The following DCLK1 variants were observed in gnomAD, a reference collection of about 807,000 sequenced individuals.
DCLK1 encodes doublecortin like kinase 1.
Under a neutral mutation model 86.2 loss-of-function variants are expected in DCLK1, and 16 were observed. The ratio of observed to expected loss-of-function variants is 0.19; its 90% CI spans 0.13 to 0.28. The LOEUF (loss-of-function observed/expected upper bound fraction) is 0.28. Among genes scored for constraint, DCLK1 ranks in the 10% least tolerant of loss-of-function variants. The pLI, the probability that DCLK1 is intolerant of heterozygous loss-of-function variation, is 1.00. For synonymous variants in DCLK1, 369 were observed against 370.5 expected, an observed-to-expected ratio of 1.00 and a Z score of 0.05; for missense variants, 590 against 940.2, an observed-to-expected ratio of 0.63 and a Z score of 4.87.
Position 35,808,311 on chromosome 13 carries a change from A to C in DCLK1, c.1776T>G (p.Asp592Glu), listed in dbSNP as rs762798402. ...CGFPPFRGSGDDQEVLFDQIL... is the reference protein window; with the variant it reads ...CGFPPFRGSGEDQEVLFDQIL... ...TCTGATCAAAAAGCACCTCCTGGTC[A>C]TCACCACTTCTGTTTAGGTGAACGA... The change falls in exon 14 of 17, where the codon GAT becomes GAG. Residue 592 changes from aspartate (D) to glutamate (E), a missense_variant. By Grantham distance (45) the Asp-to-Glu change is conservative. Transcript: ENST00000360631. 6.2e-7 allele frequency: 1 copy of C among 1,614,110 alleles called. No homozygotes were observed.
In DCLK1 at chr13:35,827,763, A is replaced by G. The variant is rs761938430; in HGVS notation, c.1288-9T>C. The stretch of plus-strand genomic sequence containing the variant: ...TTCTGGATCATGTGCTCCTGTCCAA[A>G]GGAAAAGTTATCTTCATCAGCTTCC... On this transcript the variant is annotated splice_polypyrimidine_tract_variant and intron_variant, in intron 9 of 16. Coordinates refer to ENST00000360631, the MANE Select transcript of DCLK1 (RefSeq NM_001330071.2). 3.7e-6 allele frequency: 6 copies of G among 1,613,114 alleles called. No individual in the cohort carries two copies. The Admixed American group carries it at 6.7e-5, about 18-fold the overall frequency.
At chr13:35,813,442 T>C (rs2087193950) in intron 11 of DCLK1, among the ~76,000 whole-genome samples, 1 of 152,192 alleles carries the variant, frequency 6.6e-6, no homozygotes, top group Admixed American at 6.6e-5. Flanking sequence ...GGAAAAGTTT[T>C]CTTTTCGAAC....
At chr13:35,867,953 G>GAAAGAAA (rs1555345751) in intron 5 of DCLK1, among the ~76,000 whole-genome samples, 5 of 145,584 alleles carry the variant, frequency 3.4e-5, no homozygotes, top group African/African-American at 1.3e-4. Context: ...AAGAAAGAAA[G>GAAAGAAA]AAAGAAAGAA....
At chr13:35,948,016 G>A (rs1387760853) in intron 3 of DCLK1, among the ~76,000 whole-genome samples, 1 of 152,172 alleles carries the variant, frequency 6.6e-6, no homozygotes, top group East Asian at 1.9e-4. Context: ...TATGGTAAGT[G>A]TATGCCCACC....
At chr13:35,831,891 A>G (rs1358174882) in intron 8 of DCLK1, among the ~76,000 whole-genome samples, 1 of 152,192 alleles carries the variant, frequency 6.6e-6, no homozygotes, top group Admixed American at 6.5e-5. Context: ...TGTTTGTGCT[A>G]AAAATGGTTT....
In DCLK1 at chr13:35,827,655, G is replaced by A; in HGVS notation, c.1387C>T (p.Leu463Phe). 1 of 1,613,936 alleles carries A rather than the reference G, an allele frequency of 6.2e-7. No homozygotes were observed. Among genetic ancestry groups the A allele is most frequent in the Non-Finnish European group, 8.5e-7 (1 of 1,179,976 alleles). ...CACACCTTTACTAATTCCATGACAA[G>A]ATACAGTTCAGTTGGCACATCCATC... ...EEMDVPTELYLVMELVKGGDL... is the reference protein window; with the variant it reads ...EEMDVPTELYFVMELVKGGDL... Residue 463 changes from leucine to phenylalanine, a missense_variant, in exon 10 of 17, where the codon CTT becomes TTT. Leu to Phe is a conservative substitution (Grantham distance 22). Around this residue, in one of 6 missense-constraint regions of DCLK1, gnomAD observed 108 missense variants for 195.7 expected, o/e 0.55. Coordinates refer to ENST00000360631, the MANE Select transcript of DCLK1 (RefSeq NM_001330071.2).
intron 16 of DCLK1, among the ~76,000 whole-genome samples, chr13:35,783,979 C>A (rs545516352): frequency 1.3e-5 from 2 of 152,304 alleles, no homozygotes; most frequent in South Asian, 4.1e-4. Context: ...CCTTTCTTAG[C>A]AAAAGGTGTG....
At chr13:35,932,727 G>A (rs900334625) in intron 4 of DCLK1, among the ~76,000 whole-genome samples, 12 of 152,178 alleles carry the variant, frequency 7.9e-5, no homozygotes, top group African/African-American at 2.9e-4. Flanking sequence ...CAACCAGCAG[G>A]TCCCTCCCAC....
chr13:35,787,621 T>C (rs1047761136), intron 16 of DCLK1, among the ~76,000 whole-genome samples: 1 of 152,042 alleles, frequency 6.6e-6, no homozygotes, highest in African/African-American at 2.4e-5. Flanking sequence ...AGCTAATACA[T>C]AGAGGGATTT....
chr13:35,958,788 C>G (rs1878288539), intron 3 of DCLK1, among the ~76,000 whole-genome samples: 1 of 152,182 alleles, frequency 6.6e-6, no homozygotes, highest in Non-Finnish European at 1.5e-5. Flanking sequence ...TTCACCCATA[C>G]TTAAATGCAG....
chr13:35,869,874 G>C (rs1429028472), intron 5 of DCLK1, among the ~76,000 whole-genome samples: 1 of 152,156 alleles, frequency 6.6e-6, no homozygotes, highest in Non-Finnish European at 1.5e-5. Context: ...TAATCACCTG[G>C]AGTACTTGCT....
chr13:35,986,589 C>G (rs1879926771), intron 3 of DCLK1, among the ~76,000 whole-genome samples: 1 of 152,188 alleles, frequency 6.6e-6, no homozygotes, highest in African/African-American at 2.4e-5. Context: ...TCACCTCTTT[C>G]ACACACAAAA....
intron 6 of DCLK1, chr13:35,849,747 T>C (rs201339429): frequency 3.0e-6 from 3 of 985,342 alleles, no homozygotes; most frequent in East Asian, 2.3e-4. Flanking sequence ...TTGAGAATTT[T>C]TCAGAGTGGA....
intron 5 of DCLK1, among the ~76,000 whole-genome samples, chr13:35,864,121 T>C (rs1394240798): frequency 6.6e-5 from 10 of 152,188 alleles, no homozygotes; most frequent in Non-Finnish European, 1.5e-5. Flanking sequence ...TTGCCATGAA[T>C]GTTTCTACTC....
chr13:35,965,632 G>C (rs1438228033), intron 3 of DCLK1, among the ~76,000 whole-genome samples: 1 of 152,200 alleles, frequency 6.6e-6, no homozygotes, highest in Non-Finnish European at 1.5e-5. Context: ...TTAGAAAGCA[G>C]CTAAAGAATG....
intron 4 of DCLK1, among the ~76,000 whole-genome samples, chr13:35,914,868 G>C (rs76222437): frequency 1.3e-5 from 2 of 152,108 alleles, no homozygotes; most frequent in Non-Finnish European, 2.9e-5. Context: ...TTGAAGGCCT[G>C]GCAAACAGTA....
intron 7 of DCLK1, 144 bp from the exon 8 acceptor site, chr13:35,836,285 C>A: frequency 1.5e-6 from 1 of 666,776 alleles, no homozygotes; most frequent in African/African-American, 1.8e-5. Context: ...AACTGCCTCC[C>A]CACCCTTGCT....
rs141636411 is a variant in DCLK1 at position 35,825,539 on chromosome 13, G to T, written c.1407+2096C>A. 5.3e-4 allele frequency among the ~76,000 whole-genome samples: 80 copies of T among 152,202 alleles called. 2 individuals are homozygous for T. Among genetic ancestry groups the T allele is most frequent in the African/African-American group, 1.8e-3 (76 of 41,530 alleles). On this transcript the variant is annotated intron_variant, in intron 10 of 16. Coordinates refer to ENST00000360631, the MANE Select transcript of DCLK1 (RefSeq NM_001330071.2). ...ATGCGTTCAGAGTGCCTAAGCCTTT[G>T]CCATCTTGAAATTTCATTTAGTCTC...
At chr13:36,085,470 T>C (rs1359965733) in intron 3 of DCLK1, among the ~76,000 whole-genome samples, 1 of 152,174 alleles carries the variant, frequency 6.6e-6, no homozygotes, top group Non-Finnish European at 1.5e-5. Flanking sequence ...ATTACTAACC[T>C]GAATACAGTT....
Sources: gnomAD v4.1 joint callset for allele counts (sites outside exome capture counted in the v4.1 genomes callset) on GRCh38, gnomAD v4.1.1 for gene constraint, gnomAD v4.1.1 regional missense constraint, MANE v1.5 for transcripts, NCBI Gene and HGNC (gene_info 2026-07-23, HGNC 2026-07-21) for gene names.